Variants in UNC5C observed in about 807,000 individuals in gnomAD.
UNC5C encodes netrin receptor UNC5C.
UNC5C carries 47 observed loss-of-function variants against 99.8 expected under a neutral mutation model. The observed-to-expected ratio is 0.47, with a 90% CI of 0.37 to 0.60. The LOEUF is 0.60. Ranked by LOEUF, UNC5C falls within the 20% of genes least tolerant of loss-of-function variation. The pLI is 0.00. For missense variants in UNC5C, 1,062 were observed against 1,165.9 expected (o/e 0.91, Z 1.30); for synonymous variants, 487 against 452.2 (o/e 1.08, Z -0.98).
intron 1 of UNC5C, among the ~76,000 whole-genome samples, chr4:95,418,757 AT>A (rs563763824): frequency 4.7e-4 from 72 of 152,336 alleles, no homozygotes; most frequent in East Asian, 7.7e-4. Flanking sequence ...TAATAAAAAA[AT>A]ATCCAACTTT....
intron 15 of UNC5C, 138 bp from the exon 16 acceptor site, chr4:95,169,537 C>G (rs1298489459): frequency 1.1e-6 from 1 of 896,360 alleles, no homozygotes; most frequent in East Asian, 2.6e-5. Flanking sequence ...TCCTAAATAA[C>G]TAGCCCATGC....
chr4:95,253,736 C>T (rs1739844859), intron 4 of UNC5C, among the ~76,000 whole-genome samples: 1 of 152,156 alleles, frequency 6.6e-6, no homozygotes, highest in Non-Finnish European at 1.5e-5. Flanking sequence ...CAGTCCCCAA[C>T]ACCCCAGTGC....
chr4:95,204,063 A>G (rs550613102), intron 11 of UNC5C, among the ~76,000 whole-genome samples: 27 of 152,242 alleles, frequency 1.8e-4, no homozygotes, highest in African/African-American at 6.5e-4. Context: ...AGCTCAGGGA[A>G]ATTCTAAAGG....
intron 7 of UNC5C, among the ~76,000 whole-genome samples, chr4:95,229,446 AAAC>A (rs1228092778): frequency 6.6e-6 from 1 of 152,106 alleles, no homozygotes; most frequent in African/African-American, 2.4e-5. Flanking sequence ...CCCTGCAATA[AAAC>A]ATGAACTCAT....
chr4:95,384,169 G>T (rs1192697748), intron 1 of UNC5C, among the ~76,000 whole-genome samples: 1 of 152,112 alleles, frequency 6.6e-6, no homozygotes, highest in Non-Finnish European at 1.5e-5. Flanking sequence ...CCAATGTGAA[G>T]CCCATCTGTA....
At chr4:95,358,147 T>C (rs1579355455) in intron 1 of UNC5C, among the ~76,000 whole-genome samples, 1 of 152,318 alleles carries the variant, frequency 6.6e-6, no homozygotes, top group South Asian at 2.1e-4. Flanking sequence ...AATGTTTACA[T>C]GGTACCAAAA....
intron 1 of UNC5C, among the ~76,000 whole-genome samples, chr4:95,479,622 G>C (rs1202748944): frequency 6.6e-6 from 1 of 151,852 alleles, no homozygotes; most frequent in Non-Finnish European, 1.5e-5. Flanking sequence ...ATCTTTCGCA[G>C]AAAGAAAATC....
At chr4:95,456,084 C>T (rs904723264) in intron 1 of UNC5C, among the ~76,000 whole-genome samples, 22 of 151,962 alleles carry the variant, frequency 1.4e-4, no homozygotes, top group Non-Finnish European at 7.4e-5. Context: ...AAACACACAG[C>T]TCATTATATT....
At chr4:95,201,729 GAGTAGCTGGGACTAC>G (rs1197103282) in intron 12 of UNC5C, among the ~76,000 whole-genome samples, 4 of 151,974 alleles carry the variant, frequency 2.6e-5, no homozygotes, top group African/African-American at 9.7e-5. Flanking sequence ...TCAGCCTCCT[GAGTAGCTGGGACTAC>G]AGATGCCTGC....
intron 3 of UNC5C, among the ~76,000 whole-genome samples, chr4:95,296,340 G>T (rs908590265): frequency 2.0e-5 from 3 of 152,090 alleles, no homozygotes; most frequent in Non-Finnish European, 4.4e-5. Context: ...GGGTGAAAAG[G>T]TACCTTGGAT....
At chr4:95,191,531 CT>C (rs978308552) in intron 12 of UNC5C, among the ~76,000 whole-genome samples, 1 of 151,942 alleles carries the variant, frequency 6.6e-6, no homozygotes, top group African/African-American at 2.4e-5. Context: ...CCTACACCCT[CT>C]GCTCACCCTC....
intron 2 of UNC5C, among the ~76,000 whole-genome samples, chr4:95,333,727 A>T (rs1000611656): frequency 6.6e-6 from 1 of 152,104 alleles, no homozygotes; most frequent in Admixed American, 6.6e-5. Flanking sequence ...ATAATAATAA[A>T]AAAAGAATAG....
At chr4:95,306,179 C>A (rs1220317413) in intron 2 of UNC5C, among the ~76,000 whole-genome samples, 9 of 151,904 alleles carry the variant, frequency 5.9e-5, no homozygotes, top group Non-Finnish European at 1.3e-4. Flanking sequence ...TTAAGCTCTC[C>A]ATATATTTTA....
In UNC5C at chr4:95,203,891, TC is replaced by T. The variant is rs1488982357; in HGVS notation, c.1903-928del. ...CAACCTAGATCATGTGAGCAGTTGTTCCTGAGTCGTCATCTGATGACTGATG... is the reference window on the plus strand; with the variant it reads ...CAACCTAGATCATGTGAGCAGTTGTTCTGAGTCGTCATCTGATGACTGATG... On this transcript the variant is annotated intron_variant, in intron 11 of 15. Coordinates refer to ENST00000453304, the MANE Select transcript of UNC5C (RefSeq NM_003728.4). Among the ~76,000 whole-genome samples, 3 of 152,196 alleles carry T rather than the reference TC, an allele frequency of 2.0e-5. No homozygotes were observed. The East Asian group carries it at 5.8e-4, about 29-fold the overall frequency.
At chr4:95,207,256 C>CA (rs1459477635) in intron 10 of UNC5C, among the ~76,000 whole-genome samples, 1 of 152,128 alleles carries the variant, frequency 6.6e-6, no homozygotes. Context: ...AGAATGAGGA[C>CA]ACTCTAGAAC....
chr4:95,480,071 G>T (rs1159436396), intron 1 of UNC5C, among the ~76,000 whole-genome samples: 2 of 151,482 alleles, frequency 1.3e-5, no homozygotes, highest in South Asian at 2.1e-4. Flanking sequence ...ACCTAGACTG[G>T]AACTATGCCA....
At chr4:95,302,662 G>T (rs1196905535) in intron 2 of UNC5C, among the ~76,000 whole-genome samples, 1 of 152,196 alleles carries the variant, frequency 6.6e-6, no homozygotes, top group Non-Finnish European at 1.5e-5. Flanking sequence ...CACCCCTAGG[G>T]AGGAGGAGAA....
chr4:95,404,074 CTTTTA>C (rs1309819617), intron 1 of UNC5C, among the ~76,000 whole-genome samples: 1 of 152,114 alleles, frequency 6.6e-6, no homozygotes, highest in African/African-American at 2.4e-5. Context: ...AAAAGAATCG[CTTTTA>C]TTTTATATCA....
intron 1 of UNC5C, among the ~76,000 whole-genome samples, chr4:95,384,163 T>C (rs888467473): frequency 6.6e-6 from 1 of 152,192 alleles, no homozygotes; most frequent in Non-Finnish European, 1.5e-5. Flanking sequence ...AAGGGCCCAA[T>C]GTGAAGCCCA....
Sources: allele counts gnomAD v4.1 joint callset (sites outside exome capture counted in the v4.1 genomes callset), GRCh38; gene constraint gnomAD v4.1.1; transcripts MANE v1.5; gene names NCBI Gene and HGNC (gene_info 2026-07-23, HGNC 2026-07-21).